Variants in NRXN3 observed in about 807,000 individuals in gnomAD.
NRXN3 encodes the protein neurexin 3.
A neutral mutation model predicts 137.6 loss-of-function variants in NRXN3; 32 were observed. That is an observed-to-expected ratio of 0.23 (90% CI 0.18 to 0.31). The LOEUF (loss-of-function observed/expected upper bound fraction) is 0.31, where lower values mean the gene tolerates loss of function less well. NRXN3 is among the 10% of genes least tolerant of loss of function. The pLI is 1.00. For missense variants in NRXN3, 1,574 were observed against 2,062.5 expected, an observed-to-expected ratio of 0.76 and a Z score of 4.59; for synonymous variants, 798 against 784.5, an observed-to-expected ratio of 1.02 and a Z score of -0.29.
chr14:79,368,123 G>C (rs981573193), intron 15 of NRXN3, among the ~76,000 whole-genome samples: 4 of 152,132 alleles, frequency 2.6e-5, no homozygotes, highest in Non-Finnish European at 4.4e-5. Context: ...GACATATTAG[G>C]AGCAGGATTT....
At chr14:78,623,390 G>A (rs2097424485) in intron 4 of NRXN3, among the ~76,000 whole-genome samples, 1 of 152,094 alleles carries the variant, frequency 6.6e-6, no homozygotes, top group African/African-American at 2.4e-5. Context: ...GGCTTCTGAT[G>A]ACTCAAATTG....
rs34107894 is a variant in NRXN3, at chr14:79,741,801, TACACAC to T, written c.4014+43888_4014+43893del. Among the ~76,000 whole-genome samples, 93 of 146,914 alleles carry T rather than the reference TACACAC, an allele frequency of 6.3e-4. 2 individuals carry two copies. Among genetic ancestry groups the T allele is most frequent in the Admixed American group, 2.5e-3 (36 of 14,616 alleles). ...ATACCTGGCCAAAATGTGTATACAT[TACACAC>T]ACACACACACACACACACACACAGA... On this transcript the variant is annotated intron_variant, in intron 19 of 20. Coordinates refer to ENST00000335750, the MANE Select transcript of NRXN3 (RefSeq NM_001330195.2).
At chr14:79,030,008 G>A (rs971773438) in intron 15 of NRXN3, among the ~76,000 whole-genome samples, 2 of 148,774 alleles carry the variant, frequency 1.3e-5, no homozygotes, top group African/African-American at 2.5e-5. Flanking sequence ...CACTGTGCCC[G>A]TCTAATTTTT....
At chr14:78,576,260 G>A (rs999995135) in intron 4 of NRXN3, among the ~76,000 whole-genome samples, 1 of 152,160 alleles carries the variant, frequency 6.6e-6, no homozygotes, top group Non-Finnish European at 1.5e-5. Context: ...CATTTCTGTG[G>A]CATTGGCTTC....
chr14:78,778,814 TTC>T (rs1402866405), intron 8 of NRXN3, among the ~76,000 whole-genome samples: 2 of 143,146 alleles, frequency 1.4e-5, no homozygotes, highest in Non-Finnish European at 3.1e-5. Context: ...CTTTCTTTCT[TTC>T]TTTCTTTTCC....
intron 8 of NRXN3, among the ~76,000 whole-genome samples, chr14:78,799,287 C>G (rs2098831735): frequency 6.6e-6 from 1 of 152,174 alleles, no homozygotes; most frequent in Non-Finnish European, 1.5e-5. Context: ...AAATCATCTC[C>G]CTCAAGTTCA....
At position 79,697,843 on chromosome 14, in the gene NRXN3, C is replaced by G; in HGVS notation, c.3920C>G (p.Ser1307Cys). 1 of 1,613,292 alleles carries G rather than the reference C, an allele frequency of 6.2e-7. No homozygotes were observed. The change falls in exon 19 of 21, where the codon TCC (serine) becomes TGC (cysteine). Residue 1307 changes from serine to cysteine, a missense_variant. Coordinates refer to ENST00000335750, the MANE Select transcript of NRXN3 (RefSeq NM_001330195.2). ...ATTTTGGGAACAACACAGACGACCT[C>G]CATGCCACCAGAAATGTCTACTACT... ...PSILGTTQTTSMPPEMSTTVM... is the reference protein window; with the variant it reads ...PSILGTTQTTCMPPEMSTTVM...
At chr14:79,209,327 A>G (rs1196438088) in intron 15 of NRXN3, among the ~76,000 whole-genome samples, 1 of 151,758 alleles carries the variant, frequency 6.6e-6, no homozygotes. Context: ...AAAAAAAAAC[A>G]GAGGTCCAAT....
chr14:78,207,086 A>G (rs952775894), intron 1 of NRXN3, among the ~76,000 whole-genome samples: 4 of 151,854 alleles, frequency 2.6e-5, no homozygotes, highest in African/African-American at 9.7e-5. Flanking sequence ...CTGGTCTCGA[A>G]CTCCTGACCT....
chr14:79,583,224 G>A (rs2097733663), intron 16 of NRXN3, among the ~76,000 whole-genome samples: 1 of 152,152 alleles, frequency 6.6e-6, no homozygotes, highest in African/African-American at 2.4e-5. Context: ...TGAGCCTCGG[G>A]TTTCTCATCT....
intron 20 of NRXN3, among the ~76,000 whole-genome samples, chr14:79,832,194 A>G (rs1488111789): frequency 6.6e-6 from 1 of 152,154 alleles, no homozygotes; most frequent in Middle Eastern, 3.2e-3. Flanking sequence ...ATTTTCATTT[A>G]CCTGCAGTTG....
At position 79,106,057 on chromosome 14, in the gene NRXN3, A is replaced by G. The variant is rs78811235; in HGVS notation, c.3262+117916A>G. On this transcript the variant is annotated intron_variant, in intron 15 of 20. Transcript: ENST00000335750. Reference sequence around the variant, plus strand: ...TATATTGGGTGCCGAGTAACTGCAGAGAGACTGTTCTCTATAGTTTTAAAC... The same window carrying G: ...TATATTGGGTGCCGAGTAACTGCAGGGAGACTGTTCTCTATAGTTTTAAAC... Among the ~76,000 whole-genome samples the G allele has an allele frequency of 4.1e-3, 626 of 152,190 alleles. 3 individuals carry two copies. The highest frequency in any genetic ancestry group is 0.014 in the African/African-American group (596 of 41,554).
At chr14:78,870,629 TTCTA>T (rs1280554166) in intron 10 of NRXN3, among the ~76,000 whole-genome samples, 1 of 152,102 alleles carries the variant, frequency 6.6e-6, no homozygotes, top group Non-Finnish European at 1.5e-5. Context: ...ATCTTATTCC[TTCTA>T]TCTAACTGTG....
chr14:79,094,177 G>A (rs983213081), intron 15 of NRXN3, among the ~76,000 whole-genome samples: 2 of 152,140 alleles, frequency 1.3e-5, no homozygotes, highest in Non-Finnish European at 2.9e-5. Context: ...GTTAGAAGGG[G>A]ACATGGCAGA....
chr14:78,794,550 T>C lies in NRXN3; in HGVS notation c.2045-9070T>C, dbSNP rs182834707. Among the ~76,000 whole-genome samples the C allele has an allele frequency of 8.2e-4, 125 of 152,268 alleles. 1 individual carries two copies. The highest frequency in any genetic ancestry group is 3.4e-3 in the Middle Eastern group (1 of 294). On this transcript the variant is annotated intron_variant, in intron 8 of 20. Transcript: ENST00000335750. ...GCTAACTTTGTGTAATATTAAAGTT[T>C]AGTTTAATTAAAGTAGTACATATAG...
At chr14:78,936,345 T>A (rs2099338680) in intron 10 of NRXN3, among the ~76,000 whole-genome samples, 1 of 152,170 alleles carries the variant, frequency 6.6e-6, no homozygotes, top group Non-Finnish European at 1.5e-5. Context: ...CCCCACCACC[T>A]CTTTTCATAA....
intron 8 of NRXN3, among the ~76,000 whole-genome samples, chr14:78,769,332 T>G (rs1270417279): frequency 6.6e-6 from 1 of 152,198 alleles, no homozygotes; most frequent in African/African-American, 2.4e-5. Flanking sequence ...AGGCCAACCC[T>G]CATCCAGTAT....
rs573683909 is a variant in NRXN3 at position 78,396,879 on chromosome 14, A to G, written c.757+99019A>G. Among the ~76,000 whole-genome samples, 8 of 152,288 alleles carry G rather than the reference A, an allele frequency of 5.3e-5. No homozygotes were observed. In the South Asian group the frequency reaches 1.7e-3, roughly 32 times the overall value. ...TTTATTTTCTCACTGTCTGTAGGCT[A>G]CAAGTCTGAGATCAGGGTGCCGGGT... On this transcript the variant is annotated intron_variant, in intron 4 of 20. Coordinates refer to ENST00000335750, the MANE Select transcript of NRXN3 (RefSeq NM_001330195.2).
At chr14:79,573,554 T>C (rs964435258) in intron 16 of NRXN3, among the ~76,000 whole-genome samples, 1 of 152,136 alleles carries the variant, frequency 6.6e-6, no homozygotes, top group African/African-American at 2.4e-5. Flanking sequence ...CCAGCCTGAC[T>C]TGCTCTGTTT....
Sources: allele counts gnomAD v4.1 joint callset (sites outside exome capture counted in the v4.1 genomes callset), GRCh38; gene constraint gnomAD v4.1.1; transcripts MANE v1.5; gene names NCBI Gene and HGNC (gene_info 2026-07-23, HGNC 2026-07-21).